TPP2: variants seen among roughly 807,000 people sequenced by gnomAD.
The protein encoded by TPP2 is tripeptidyl peptidase 2.
In TPP2, 34 loss-of-function variants were observed where a neutral mutation model predicts 155.9. The ratio of observed to expected loss-of-function variants is 0.22; its 90% confidence interval spans 0.17 to 0.29. The LOEUF (loss-of-function observed/expected upper bound fraction) is 0.29, where lower values mean the gene tolerates loss of function less well. TPP2 is among the 10% of genes least tolerant of loss of function. TPP2 has a pLI of 1.00. For missense variants in TPP2, 1,028 were observed against 1,522.3 expected, an observed-to-expected ratio of 0.68 and a Z score of 5.40; for synonymous variants, 510 against 529.4, an observed-to-expected ratio of 0.96 and a Z score of 0.50.
chr13:102,651,739 T>A (rs1485098168), intron 24 of TPP2, among the ~76,000 whole-genome samples: 2 of 148,458 alleles, frequency 1.3e-5, no homozygotes, highest in African/African-American at 4.9e-5. Flanking sequence ...ATGTGATAAT[T>A]TTTTTTTTTT....
chr13:102,646,459 C>A (rs540374525), intron 20 of TPP2, 69 bp downstream of exon 20: 4 of 1,251,332 alleles, frequency 3.2e-6, no homozygotes, highest in Admixed American at 2.2e-5. Flanking sequence ...TTCATAGAAT[C>A]AAAAATGGAA....
At chr13:102,652,365 G>T (rs2139557529) in intron 24 of TPP2, among the ~76,000 whole-genome samples, 1 of 117,258 alleles carries the variant, frequency 8.5e-6, no homozygotes, top group African/African-American at 3.5e-5. Context: ...GGGTGACAGA[G>T]TGAGACCCTG....
At chr13:102,597,613 C>G (rs940259766) in intron 1 of TPP2, among the ~76,000 whole-genome samples, 2 of 152,240 alleles carry the variant, frequency 1.3e-5, no homozygotes, top group African/African-American at 2.4e-5. Context: ...GCCTACCCCT[C>G]GTGCCTCGGA....
rs1883103290 is a variant in TPP2, at chr13:102,646,372, G to C, written c.2472G>C (p.Leu824=). 2 of 1,612,266 alleles carry C rather than the reference G, an allele frequency of 1.2e-6. No individual in the cohort carries two copies. The highest frequency in any genetic ancestry group is 1.7e-6 in the Non-Finnish European group (2 of 1,179,394). The part of the protein sequence containing the change: ...PNNRQLYEMV[L]TYNFHQPKSG... ...ACCGTCAACTTTATGAGATGGTCCT[G>C]ACATATAACTTTCATCAAGTAAGTG... Residue 824 remains leucine (L), a synonymous_variant, in exon 20 of 30, where the codon CTG becomes CTC. Transcript: ENST00000376052.
At chr13:102,633,070 T>C (rs956107092) in intron 10 of TPP2, among the ~76,000 whole-genome samples, 3 of 152,194 alleles carry the variant, frequency 2.0e-5, no homozygotes, top group Non-Finnish European at 4.4e-5. Context: ...AGTTGGGAGA[T>C]GGTATAAGGA....
rs1595175142 is a variant in TPP2, at chr13:102,639,441, C to T, written c.1914-829C>T. 2.6e-5 allele frequency among the ~76,000 whole-genome samples: 4 copies of T among 152,168 alleles called. 1 individual carries two copies. The highest frequency in any genetic ancestry group is 2.6e-4 in the Admixed American group (4 of 15,280). On this transcript the variant is annotated intron_variant, in intron 15 of 29. Coordinates refer to ENST00000376052, the MANE Select transcript of TPP2 (RefSeq NM_001330588.2). ...CAGTTAAATTCTCAGCCGTATATTC[C>T]CTCGAAGTCCAGTAGTAATTTAGAC...
intron 2 of TPP2, among the ~76,000 whole-genome samples, chr13:102,605,424 G>C (rs1422978651): frequency 6.6e-6 from 1 of 152,172 alleles, no homozygotes; most frequent in East Asian, 1.9e-4. Flanking sequence ...AATAAATCTA[G>C]CACACACTTA....
At chr13:102,651,818 A>C (rs927406668) in intron 24 of TPP2, among the ~76,000 whole-genome samples, 2 of 152,158 alleles carry the variant, frequency 1.3e-5, no homozygotes, top group African/African-American at 4.8e-5. Flanking sequence ...TTTGATTAAT[A>C]AAATGTTGCA....
intron 2 of TPP2, chr13:102,607,706 C>T (rs1879951062): frequency 2.3e-6 from 1 of 438,714 alleles, no homozygotes; most frequent in Non-Finnish European, 4.6e-6. Context: ...TCTGCCTCAG[C>T]CTCCCGAGTA....
chr13:102,622,301 C>CT (rs1881222616), intron 5 of TPP2, among the ~76,000 whole-genome samples: 1 of 152,150 alleles, frequency 6.6e-6, no homozygotes, highest in African/African-American at 2.4e-5. Flanking sequence ...TTGTTTTAAT[C>CT]AGGCTATCTT....
chr13:102,612,932 C>T (rs1204485430), intron 2 of TPP2, among the ~76,000 whole-genome samples: 1 of 152,136 alleles, frequency 6.6e-6, no homozygotes, highest in Non-Finnish European at 1.5e-5. Context: ...TGCTGCTAGC[C>T]ACCTGTGTAG....
intron 16 of TPP2, among the ~76,000 whole-genome samples, 157 bp from the exon 17 acceptor site, chr13:102,643,065 T>G (rs188339428): frequency 6.6e-6 from 1 of 152,314 alleles, no homozygotes; most frequent in East Asian, 1.9e-4. Flanking sequence ...GATTCTTTGT[T>G]TTTATGGAAA....
At chr13:102,601,498 A>G (rs998848636) in intron 1 of TPP2, among the ~76,000 whole-genome samples, 4 of 152,194 alleles carry the variant, frequency 2.6e-5, no homozygotes, top group Non-Finnish European at 5.9e-5. Flanking sequence ...TAGATTCTTG[A>G]CATTTTGGGA....
rs1471042906 is a variant in TPP2 at position 102,677,060 on chromosome 13, C to A, written c.3699+645C>A. ...TAATTATACTTTATATGTAAGGTAC[C>A]CTTTGGATGTAAAACTGATCAGTAG... is the stretch of plus-strand genomic sequence containing the variant. On this transcript the variant is annotated intron_variant, in intron 29 of 29. Transcript: ENST00000376052. 2.6e-5 allele frequency among the ~76,000 whole-genome samples: 4 copies of A among 152,192 alleles called. No homozygotes were observed. In the East Asian group the frequency reaches 7.7e-4, roughly 29 times the overall value.
At chr13:102,627,244 A>G in intron 7 of TPP2, 78 bp downstream of exon 7, 2 of 1,393,038 alleles carry the variant, frequency 1.4e-6, no homozygotes, top group Non-Finnish European at 1.9e-6. Context: ...AAGTGCTCCT[A>G]GTTTACCAAG....
In TPP2 at chr13:102,621,109, C is replaced by G. The variant is rs570185184; in HGVS notation, c.621-1768C>G. ...GTTATAACCTTGCACCACATTCATA[C>G]TTGTCCTCTGTCGTGTTATTTAGAG... On this transcript the variant is annotated intron_variant, in intron 5 of 29. Coordinates refer to ENST00000376052, the MANE Select transcript of TPP2 (RefSeq NM_001330588.2). Among the ~76,000 whole-genome samples the G allele has an allele frequency of 2.0e-5, 3 of 152,324 alleles. No individual in the cohort carries two copies. The South Asian group carries it at 6.2e-4, about 32-fold the overall frequency.
At chr13:102,668,325 C>T (rs568887595) in intron 27 of TPP2, among the ~76,000 whole-genome samples, 2 of 152,286 alleles carry the variant, frequency 1.3e-5, no homozygotes, top group East Asian at 3.9e-4. Context: ...TTTTACCTAC[C>T]ACTCTGACCA....
At chr13:102,643,116 A>C (rs1194283903) in intron 16 of TPP2, 106 bp from the exon 17 acceptor site, 4 of 1,050,356 alleles carry the variant, frequency 3.8e-6, no homozygotes, top group Non-Finnish European at 5.1e-6. Flanking sequence ...GATCCCTATT[A>C]TGTCCCTACA....
chr13:102,616,664 A>G (rs1478797157), intron 4 of TPP2, among the ~76,000 whole-genome samples, 164 bp downstream of exon 4: 3 of 152,308 alleles, frequency 2.0e-5, no homozygotes, highest in African/African-American at 7.2e-5. Flanking sequence ...TCCTCAAGTC[A>G]ATGTACATAT....
Sources: gnomAD v4.1 joint callset for allele counts (sites outside exome capture counted in the v4.1 genomes callset) on GRCh38, gnomAD v4.1.1 for gene constraint, MANE v1.5 for transcripts, NCBI Gene and HGNC (gene_info 2026-07-23, HGNC 2026-07-21) for gene names.